DAB2: variants seen among roughly 807,000 people sequenced by gnomAD.
DAB2 encodes disabled homolog 2.
Under a neutral mutation model 71.6 loss-of-function variants are expected in DAB2, and 28 were observed. That is an observed-to-expected ratio of 0.39 (90% CI 0.29 to 0.54). The LOEUF is 0.54. Ranked by LOEUF, DAB2 falls within the 20% of genes least tolerant of loss-of-function variation. DAB2 has a pLI of 0.68. For synonymous variants in DAB2, 345 were observed against 339.7 expected (o/e 1.02, Z -0.17); for missense variants, 867 against 928.8 (o/e 0.93, Z 0.86).
chr5:39,404,983 T>C (rs1162995793), intron 1 of DAB2, among the ~76,000 whole-genome samples: 3 of 152,060 alleles, frequency 2.0e-5, no homozygotes, highest in Non-Finnish European at 4.4e-5. Context: ...GTATTTTTGC[T>C]TTGTTGTTTC....
intron 4 of DAB2, among the ~76,000 whole-genome samples, chr5:39,391,417 G>A (rs1755225198): frequency 1.3e-5 from 2 of 152,112 alleles, no homozygotes; most frequent in South Asian, 2.1e-4. Context: ...ATGGGCTTGG[G>A]AAAATAAGAG....
Position 39,389,848 on chromosome 5 carries a change from T to C in DAB2, c.543+4A>G. On this transcript the variant is annotated splice_donor_region_variant and intron_variant, in intron 6 of 14. Transcript: ENST00000320816. ...TAATAGAGCCTTAATCAGGTAGTAC[T>C]TGCCTTTTTCTTTTCTTCTTCCTTT... 4 of 1,497,140 alleles carry C rather than the reference T, an allele frequency of 2.7e-6. No individual in the cohort carries two copies. Among genetic ancestry groups the C allele is most frequent in the Non-Finnish European group, 3.7e-6 (4 of 1,084,508 alleles). The allele number at this position is 1,497,140 out of a possible 1,614,324, so 92.7% of individuals were successfully genotyped here.
chr5:39,405,816 T>G (rs1755598481), intron 1 of DAB2, among the ~76,000 whole-genome samples: 1 of 152,152 alleles, frequency 6.6e-6, no homozygotes, highest in Admixed American at 6.5e-5. Context: ...GACTACAACC[T>G]TGAGCCCAGA....
At chr5:39,408,092 G>A (rs1191979155) in intron 1 of DAB2, among the ~76,000 whole-genome samples, 1 of 152,190 alleles carries the variant, frequency 6.6e-6, no homozygotes, top group East Asian at 1.9e-4. Context: ...GAGTGTTGCT[G>A]TACCCTTTCT....
intron 11 of DAB2, among the ~76,000 whole-genome samples, chr5:39,378,158 A>G (rs1010115023): frequency 3.3e-5 from 5 of 152,214 alleles, no homozygotes; most frequent in African/African-American, 9.6e-5. Context: ...TCCATCTCCT[A>G]CGACCTTGCT....
intron 1 of DAB2, among the ~76,000 whole-genome samples, chr5:39,396,345 C>A (rs1755370534): frequency 6.6e-6 from 1 of 152,208 alleles, no homozygotes; most frequent in Non-Finnish European, 1.5e-5. Flanking sequence ...TATTCCAGCA[C>A]AGCTTCACGT....
At chr5:39,375,175 G>A (rs549983027) in intron 13 of DAB2, 91 bp from the exon 14 acceptor site, 34 of 934,064 alleles carry the variant, frequency 3.6e-5, no homozygotes, top group Middle Eastern at 6.5e-4. Flanking sequence ...TTTAAAAATC[G>A]CTTAGGTCAT....
Position 39,393,323 on chromosome 5 carries a change from C to T in DAB2, c.162G>A (p.Leu54=), listed in dbSNP as rs754415779. 3 of 1,614,018 alleles carry T rather than the reference C, an allele frequency of 1.9e-6. No homozygotes were observed. The Admixed American group carries it at 5.0e-5, about 27-fold the overall frequency. The part of the protein sequence containing the change: ...KGDGVKYKAK[L]IGIDDVPDAR... ...CATCTGGCACATCATCAATGCCAATCAGCTTGGCCTTATATTTTACACCAT... is the reference window on the plus strand; with the variant it reads ...CATCTGGCACATCATCAATGCCAATTAGCTTGGCCTTATATTTTACACCAT... The change falls in exon 3 of 15, where the codon CTG becomes CTA. Residue 54 remains leucine (L), a synonymous_variant. Coordinates refer to ENST00000320816, the MANE Select transcript of DAB2 (RefSeq NM_001343.4).
Position 39,394,253 on chromosome 5 carries a change from G to A in DAB2, c.68C>T (p.Pro23Leu). Residue 23 changes from proline to leucine, a missense_variant, in exon 2 of 15, where the codon CCC (proline) becomes CTC (leucine). By Grantham distance (98) the Pro-to-Leu change is moderately conservative. Around this residue, in one of 2 missense-constraint regions of DAB2, gnomAD observed 127 missense variants for 194.4 expected, o/e 0.65. Transcript: ENST00000320816. ...QPDQQAAPKAPSKKEKKKGPE... is the reference protein window; with the variant it reads ...QPDQQAAPKALSKKEKKKGPE... The stretch of plus-strand genomic sequence containing the variant: ...ACCTTTCTTTTTTTCCTTCTTTGAG[G>A]GTGCTTTTGGTGCGGCCTGTTGGTC... 6.2e-7 allele frequency: 1 copy of A among 1,613,974 alleles called. No homozygotes were observed. The highest frequency in any genetic ancestry group is 8.5e-7 in the Non-Finnish European group (1 of 1,179,950).
chr5:39,372,697 G>A lies in DAB2; in HGVS notation c.*734C>T, dbSNP rs928813990. The A allele has an allele frequency of 1.3e-5, 2 of 151,722 alleles. No individual in the cohort carries two copies. Among genetic ancestry groups the A allele is most frequent in the Non-Finnish European group, 2.9e-5 (2 of 67,982 alleles). 9.4% of individuals were successfully genotyped at this position (151,722 alleles called of 1,614,324 possible). The stretch of plus-strand genomic sequence containing the variant: ...GGGTGGTAATACTACTTGAACCCAG[G>A]AGCAAAACTGACTGAAAAAAGAATC... On this transcript the variant is annotated 3_prime_UTR_variant, in exon 15 of 15. Transcript: ENST00000320816.
chr5:39,410,078 C>T (rs1175920463), intron 1 of DAB2, among the ~76,000 whole-genome samples: 1 of 152,072 alleles, frequency 6.6e-6, no homozygotes, highest in African/African-American at 2.4e-5. Context: ...GGATTGTTTT[C>T]TTTGGTCATC....
chr5:39,381,384 C>T (rs1043651933), intron 11 of DAB2, 70 bp downstream of exon 11: 1 of 1,500,172 alleles, frequency 6.7e-7, no homozygotes, highest in Non-Finnish European at 9.2e-7. Context: ...TATGAAATCT[C>T]TTCCGATGCA....
chr5:39,389,964 T>C (rs1209250906), intron 5 of DAB2, 32 bp from the exon 6 acceptor site: 3 of 1,391,898 alleles, frequency 2.2e-6, no homozygotes, highest in Non-Finnish European at 3.0e-6. Context: ...TTATCCGTAT[T>C]TTAATTTTAG....
In DAB2 at chr5:39,413,287, A is replaced by G. The variant is rs1413391267; in HGVS notation, c.-102+11517T>C. Among the ~76,000 whole-genome samples the G allele has an allele frequency of 2.0e-5, 3 of 152,196 alleles. No individual in the cohort carries two copies. The East Asian group carries it at 5.8e-4, about 29-fold the overall frequency. ...AGGTTAAGGACTAACAATCTCAAAC[A>G]TTAGATTCAAGGTTATCCCATCTTG... On this transcript the variant is annotated intron_variant, in intron 1 of 14. Coordinates refer to ENST00000320816, the MANE Select transcript of DAB2 (RefSeq NM_001343.4).
intron 1 of DAB2, among the ~76,000 whole-genome samples, chr5:39,407,202 T>A (rs1170320761): frequency 6.6e-6 from 1 of 152,206 alleles, no homozygotes; most frequent in Non-Finnish European, 1.5e-5. Flanking sequence ...CCTCTTCCTA[T>A]TTCCATGCTA....
chr5:39,378,753 C>G (rs1399630153), intron 11 of DAB2, among the ~76,000 whole-genome samples: 1 of 152,190 alleles, frequency 6.6e-6, no homozygotes, highest in East Asian at 1.9e-4. Context: ...GAAAATCAGG[C>G]ACACTGGCTC....
At chr5:39,387,606 T>C (rs996580603) in intron 9 of DAB2, 2 of 152,182 alleles carry the variant, frequency 1.3e-5, no homozygotes, top group Admixed American at 1.3e-4. Flanking sequence ...CAAAATGTCA[T>C]GGACATTTTC....
chr5:39,392,969 T>C (rs1349396988), intron 3 of DAB2, among the ~76,000 whole-genome samples: 3 of 152,228 alleles, frequency 2.0e-5, no homozygotes, highest in African/African-American at 7.2e-5. Context: ...ACACAGCTTT[T>C]ATAGGAATAG....
At chr5:39,375,269 T>C (rs559000609) in intron 13 of DAB2, among the ~76,000 whole-genome samples, 185 bp from the exon 14 acceptor site, 1 of 152,196 alleles carries the variant, frequency 6.6e-6, no homozygotes, top group Non-Finnish European at 1.5e-5. Flanking sequence ...ATATTATTTA[T>C]GTGAAAATCA....
Sources: gnomAD v4.1 joint callset for allele counts (sites outside exome capture counted in the v4.1 genomes callset) on GRCh38, gnomAD v4.1.1 for gene constraint, gnomAD v4.1.1 regional missense constraint, MANE v1.5 for transcripts, NCBI Gene and HGNC (gene_info 2026-07-23, HGNC 2026-07-21) for gene names.